The following C2CD3 variants were observed in gnomAD, a reference collection of about 807,000 sequenced individuals.
C2CD3 encodes the protein C2 domain-containing protein 3.
A neutral mutation model predicts 234.0 loss-of-function variants in C2CD3; 148 were observed. That is an observed-to-expected ratio of 0.63 (90% CI 0.55 to 0.72). The LOEUF (loss-of-function observed/expected upper bound fraction) is 0.72, where lower values mean the gene tolerates loss of function less well. Ranked by LOEUF, C2CD3 falls within the 30% of genes least tolerant of loss-of-function variation. The probability of loss-of-function intolerance (pLI) is 0.00; values close to 1 mark genes in which losing one functional copy is unlikely to be tolerated. For synonymous variants in C2CD3, 1,000 were observed against 1,035.4 expected (o/e 0.97, Z 0.66); for missense variants, 2,577 against 2,811.5 (o/e 0.92, Z 1.89).
chr11:74,076,338 T>C lies in C2CD3; in HGVS notation c.4604-1738A>G, dbSNP rs185612163. Among the ~76,000 whole-genome samples, 3 of 152,282 alleles carry C rather than the reference T, an allele frequency of 2.0e-5. No individual in the cohort carries two copies. The East Asian group carries it at 5.8e-4, about 29-fold the overall frequency. On this transcript the variant is annotated intron_variant, in intron 23 of 32. Transcript: ENST00000334126. Reference sequence around the variant, plus strand: ...CAACAGGGTCAGAGCACAGGGCTGATAGGGCTAACAAAGGGTCATGACTCA... The same window carrying C: ...CAACAGGGTCAGAGCACAGGGCTGACAGGGCTAACAAAGGGTCATGACTCA...
At chr11:74,055,190 A>G (rs146444159) in intron 25 of C2CD3, among the ~76,000 whole-genome samples, 162 of 152,330 alleles carry the variant, frequency 1.1e-3, no homozygotes, top group African/African-American at 3.7e-3. Flanking sequence ...GACTCAGAGA[A>G]GTAAAATGGT....
intron 3 of C2CD3, among the ~76,000 whole-genome samples, chr11:74,157,139 G>A (rs532755970): frequency 6.6e-6 from 1 of 152,116 alleles, no homozygotes; most frequent in Non-Finnish European, 1.5e-5. Context: ...TCATAACTAT[G>A]TAATTTTATC....
At chr11:74,030,132 C>CAGGGGGTTGTTTTG (rs1952465236) in intron 31 of C2CD3, among the ~76,000 whole-genome samples, 1 of 152,102 alleles carries the variant, frequency 6.6e-6, no homozygotes, top group Non-Finnish European at 1.5e-5. Context: ...ACAAACAACC[C>CAGGGGGTTGTTTTG]CCTGACCTTG....
intron 20 of C2CD3, among the ~76,000 whole-genome samples, chr11:74,086,202 A>G (rs115355686): frequency 5.1e-4 from 77 of 152,336 alleles, no homozygotes; most frequent in African/African-American, 1.9e-3. Context: ...TTTACTGCTC[A>G]TTGCAATTAA....
intron 24 of C2CD3, among the ~76,000 whole-genome samples, chr11:74,062,586 G>A (rs1954298453): frequency 6.6e-6 from 1 of 152,100 alleles, no homozygotes; most frequent in Non-Finnish European, 1.5e-5. Flanking sequence ...TGAGAACAAA[G>A]ACACAACATA....
At chr11:74,063,832 CT>C (rs1954371331) in intron 24 of C2CD3, among the ~76,000 whole-genome samples, 1 of 152,140 alleles carries the variant, frequency 6.6e-6, no homozygotes, top group African/African-American at 2.4e-5. Flanking sequence ...CAAATTGTCC[CT>C]GTTTGCAGAT....
At chr11:74,059,792 G>A (rs1226853899) in intron 24 of C2CD3, among the ~76,000 whole-genome samples, 1 of 152,160 alleles carries the variant, frequency 6.6e-6, no homozygotes. Context: ...ATCAGACAGT[G>A]GGTGCAGCCC....
intron 7 of C2CD3, among the ~76,000 whole-genome samples, chr11:74,126,137 T>C (rs1590878311): frequency 6.6e-6 from 1 of 152,188 alleles, no homozygotes; most frequent in South Asian, 2.1e-4. Flanking sequence ...CACACTTGAT[T>C]AATAGTTTGA....
chr11:74,074,520 A>G lies in C2CD3; in HGVS notation c.4684T>C (p.Ser1562Pro). The G allele has an allele frequency of 6.2e-7, 1 of 1,614,174 alleles. No individual in the cohort carries two copies. Among genetic ancestry groups the G allele is most frequent in the African/African-American group, 1.3e-5 (1 of 75,050 alleles). ...TCATGAGTGGGCTCAAGGTGTGAGG[A>G]AAGAGAGGAAAGAACCACATGAACT... ...LRVHVVLSSLSSHLEPTHELD... is the reference protein window; with the variant it reads ...LRVHVVLSSLPSHLEPTHELD... Residue 1562 changes from serine to proline, a missense_variant, in exon 24 of 33, where the codon TCC becomes CCC. By Grantham distance (74) the Ser-to-Pro change is moderately conservative (BLOSUM62 -1). Coordinates refer to ENST00000334126, the MANE Select transcript of C2CD3 (RefSeq NM_001286577.2).
chr11:74,170,805 C>CTCT lies in C2CD3; in HGVS notation c.-16_-14dup. 1 of 1,614,206 alleles carries CTCT rather than the reference C, an allele frequency of 6.2e-7. No homozygotes were observed. Among genetic ancestry groups the CTCT allele is most frequent in the African/African-American group, 1.3e-5 (1 of 75,066 alleles). On this transcript the variant is annotated 5_prime_UTR_variant, in exon 1 of 33. Coordinates refer to ENST00000334126, the MANE Select transcript of C2CD3 (RefSeq NM_001286577.2). ...TTCGTTGTTTCATGATGAGCCCGAG[C>CTCT]TCTTCTTCACCAGCTCAACTCCGTC... is the stretch of plus-strand genomic sequence containing the variant.
At chr11:74,096,923 T>A (rs374997972) in intron 16 of C2CD3, among the ~76,000 whole-genome samples, 2 of 152,090 alleles carry the variant, frequency 1.3e-5, no homozygotes, top group East Asian at 3.9e-4. Flanking sequence ...GGTGGGTGGA[T>A]CACTTGAGGT....
chr11:74,132,900 T>C lies in C2CD3; in HGVS notation c.1161A>G (p.Thr387=), dbSNP rs745753208. ...CAGCTTTTGTGTCATGTCTCCAAAA[T>C]GTATTCTCAGTTGAAGGGAGGAGGT... is the stretch of plus-strand genomic sequence containing the variant. The part of the protein sequence containing the change: ...EDHLLPSTEN[T]FWRHDTKADT... The change falls in exon 7 of 33, where the codon ACA becomes ACG. Residue 387 remains threonine (T), a synonymous_variant. Transcript: ENST00000334126. 1.5e-5 allele frequency: 24 copies of C among 1,613,824 alleles called. No individual in the cohort carries two copies. Among genetic ancestry groups the C allele is most frequent in the Non-Finnish European group, 1.4e-5 (17 of 1,179,864 alleles).
At position 74,024,305 on chromosome 11, in the gene C2CD3, G is replaced by GA. The variant is rs571226820; in HGVS notation, c.6921+3981dup. Among the ~76,000 whole-genome samples, 41 of 152,062 alleles carry GA rather than the reference G, an allele frequency of 2.7e-4. No homozygotes were observed. The East Asian group carries it at 4.1e-3, about 15-fold the overall frequency. ...TCAAGTTAGAATTCTATATCCAGTA[G>GA]AAAAAAAATCTTTCAAAAATAAAGA... On this transcript the variant is annotated intron_variant, in intron 32 of 32. Coordinates refer to ENST00000334126, the MANE Select transcript of C2CD3 (RefSeq NM_001286577.2).
At chr11:74,062,365 T>C (rs1213351179) in intron 24 of C2CD3, among the ~76,000 whole-genome samples, 1 of 152,186 alleles carries the variant, frequency 6.6e-6, no homozygotes, top group Non-Finnish European at 1.5e-5. Flanking sequence ...ATTGACCACA[T>C]AGTTGGAAGT....
At chr11:74,032,707 TA>T (rs1765745162) in intron 31 of C2CD3, among the ~76,000 whole-genome samples, 1 of 151,750 alleles carries the variant, frequency 6.6e-6, no homozygotes, top group Admixed American at 6.6e-5. Context: ...CCCCAACTCT[TA>T]AAAAAAATTA....
At chr11:74,061,103 C>T (rs1311572574) in intron 24 of C2CD3, among the ~76,000 whole-genome samples, 1 of 152,110 alleles carries the variant, frequency 6.6e-6, no homozygotes, top group Non-Finnish European at 1.5e-5. Context: ...ATGAACAAAG[C>T]CTCCAAGAAA....
At chr11:74,087,065 T>C (rs1490117301) in intron 20 of C2CD3, among the ~76,000 whole-genome samples, 1 of 152,194 alleles carries the variant, frequency 6.6e-6, no homozygotes, top group Non-Finnish European at 1.5e-5. Context: ...TAAAGATGTA[T>C]ATTATATATT....
At chr11:74,026,488 T>C (rs1159722002) in intron 32 of C2CD3, among the ~76,000 whole-genome samples, 1 of 152,200 alleles carries the variant, frequency 6.6e-6, no homozygotes, top group African/African-American at 2.4e-5. Context: ...ACTATAACTT[T>C]AGGACTACAA....
intron 20 of C2CD3, among the ~76,000 whole-genome samples, chr11:74,087,478 C>T (rs146663034): frequency 0.018 from 2,691 of 151,878 alleles, 87 homozygotes; most frequent in African/African-American, 0.061. Context: ...TCAGGAGAAT[C>T]GCTTGAACCC....
Sources: allele counts gnomAD v4.1 joint callset (sites outside exome capture counted in the v4.1 genomes callset), GRCh38; gene constraint gnomAD v4.1.1; transcripts MANE v1.5; gene names NCBI Gene and HGNC (gene_info 2026-07-23, HGNC 2026-07-21).